Variants in RCAN1 observed in about 807,000 individuals in gnomAD.
The protein encoded by RCAN1 is regulator of calcineurin 1.
Under a neutral mutation model 22.9 loss-of-function variants are expected in RCAN1, and 11 were observed. The ratio of observed to expected loss-of-function variants is 0.48; its 90% CI spans 0.30 to 0.79. The LOEUF (loss-of-function observed/expected upper bound fraction) is 0.79, where lower values mean the gene tolerates loss of function less well. Ranked by LOEUF, RCAN1 falls within the 30% of genes least tolerant of loss-of-function variation. The pLI, the probability that RCAN1 is intolerant of heterozygous loss-of-function variation, is 0.06. For synonymous variants in RCAN1, 136 were observed against 142.3 expected (o/e 0.96, Z 0.32); for missense variants, 291 against 337.8 (o/e 0.86, Z 1.09).
chr21:34,557,271 C>T (rs1986617796), intron 1 of RCAN1, among the ~76,000 whole-genome samples: 1 of 152,042 alleles, frequency 6.6e-6, no homozygotes, highest in Non-Finnish European at 1.5e-5. Flanking sequence ...CACCAGAGCC[C>T]CTGGTAAAGG....
In RCAN1 at chr21:34,518,039, C is replaced by A; in HGVS notation, c.*45G>T. 1 of 1,605,308 alleles carries A rather than the reference C, an allele frequency of 6.2e-7. No homozygotes were observed. Among genetic ancestry groups the A allele is most frequent in the Non-Finnish European group, 8.5e-7 (1 of 1,174,904 alleles). On this transcript the variant is annotated 3_prime_UTR_variant, in exon 4 of 4. Coordinates refer to ENST00000313806, the MANE Select transcript of RCAN1 (RefSeq NM_004414.7). This position sits in a 1 kb window ranked among gnomAD's most constrained non-coding sequence, Gnocchi z 4.2. ...CCAGCCACCTCCACAGTAAAAGATT[C>A]CTCCCGTGAGTATGATTTGGAATGC...
intron 1 of RCAN1, among the ~76,000 whole-genome samples, chr21:34,570,896 T>C (rs1239690522): frequency 4.6e-5 from 7 of 152,154 alleles, no homozygotes; most frequent in Admixed American, 6.5e-5. Context: ...TCCCCAATCA[T>C]TGACTCAAGC....
chr21:34,606,442 C>T (rs562050533), intron 1 of RCAN1, among the ~76,000 whole-genome samples: 7 of 152,026 alleles, frequency 4.6e-5, no homozygotes, highest in African/African-American at 1.7e-4. Context: ...TAGGTGCACC[C>T]GTGACATGTA....
chr21:34,607,873 C>T lies in RCAN1; in HGVS notation c.252+6887G>A, dbSNP rs533643106. On this transcript the variant is annotated intron_variant, in intron 1 of 3. Transcript: ENST00000313806. ...CAGCAGGAGGTGAGCAGCGGGTGAGCCAGCAAAGCTTCATCTGTATTTACA... is the reference window on the plus strand; with the variant it reads ...CAGCAGGAGGTGAGCAGCGGGTGAGTCAGCAAAGCTTCATCTGTATTTACA... Among the ~76,000 whole-genome samples, 8 of 152,314 alleles carry T rather than the reference C, an allele frequency of 5.3e-5. No homozygotes were observed. The South Asian group carries it at 1.7e-3, about 32-fold the overall frequency.
chr21:34,526,196 C>A (rs1397601353), intron 1 of RCAN1, among the ~76,000 whole-genome samples: 3 of 152,210 alleles, frequency 2.0e-5, no homozygotes, highest in East Asian at 1.9e-4. Context: ...TTTGCTCTGG[C>A]GGCATTTTCT....
chr21:34,532,494 C>A (rs1012711291), intron 1 of RCAN1, among the ~76,000 whole-genome samples: 4 of 152,236 alleles, frequency 2.6e-5, no homozygotes, highest in African/African-American at 7.2e-5. Context: ...AAACGGTGAA[C>A]CTCCTGACGG....
rs3831800 is a variant in RCAN1, at chr21:34,537,826, T to TTGTG, written c.253-14120_253-14117dup. Among the ~76,000 whole-genome samples, 404 of 150,816 alleles carry TTGTG rather than the reference T, an allele frequency of 2.7e-3. 2 individuals are homozygous for TTGTG. The highest frequency in any genetic ancestry group is 9.4e-3 in the African/African-American group (388 of 41,120). On this transcript the variant is annotated intron_variant, in intron 1 of 3. Coordinates refer to ENST00000313806, the MANE Select transcript of RCAN1 (RefSeq NM_004414.7). ...CATGGCCCTCACTCCCACATGGTAA[T>TTGTG]TGTGTGTGTGTGTGTGTGTGTACTT...
chr21:34,562,552 C>A (rs78983033), intron 1 of RCAN1, among the ~76,000 whole-genome samples: 2 of 152,170 alleles, frequency 1.3e-5, no homozygotes, highest in Admixed American at 6.5e-5. Context: ...GAAACTTATC[C>A]TAGACTTTGA....
At chr21:34,531,208 A>G (rs1325272256) in intron 1 of RCAN1, among the ~76,000 whole-genome samples, 1 of 152,218 alleles carries the variant, frequency 6.6e-6, no homozygotes, top group African/African-American at 2.4e-5. Flanking sequence ...TTGCCTTTCT[A>G]TTTCCGATTT....
At chr21:34,571,619 C>T (rs915366980) in intron 1 of RCAN1, among the ~76,000 whole-genome samples, 1 of 152,152 alleles carries the variant, frequency 6.6e-6, no homozygotes, top group Non-Finnish European at 1.5e-5. Context: ...TGCAGTGGTA[C>T]AAACATGGCT....
chr21:34,523,475 C>T (rs1385210828), intron 2 of RCAN1, 62 bp downstream of exon 2: 1 of 1,539,058 alleles, frequency 6.5e-7, no homozygotes, highest in African/African-American at 1.4e-5. Flanking sequence ...AACGTATAAG[C>T]TGCTTTACAA....
chr21:34,523,784 C>CTTTT (rs5843666), intron 1 of RCAN1, 74 bp from the exon 2 acceptor site: 7 of 1,008,702 alleles, frequency 6.9e-6, no homozygotes, highest in African/African-American at 3.4e-5. Context: ...GATGTCATTA[C>CTTTT]TTTTTTTTTT....
intron 1 of RCAN1, among the ~76,000 whole-genome samples, chr21:34,600,186 C>T (rs1297401071): frequency 6.6e-6 from 1 of 152,118 alleles, no homozygotes; most frequent in Non-Finnish European, 1.5e-5. Context: ...GGCTAAGAAT[C>T]GCGTTTTTAA....
At chr21:34,587,278 T>C (rs866800517) in intron 1 of RCAN1, among the ~76,000 whole-genome samples, 1 of 152,146 alleles carries the variant, frequency 6.6e-6, no homozygotes, top group Non-Finnish European at 1.5e-5. Context: ...TATCTATTTA[T>C]AAAACTGAAT....
intron 1 of RCAN1, among the ~76,000 whole-genome samples, chr21:34,574,349 T>C (rs1987336473): frequency 6.6e-6 from 1 of 152,240 alleles, no homozygotes; most frequent in Non-Finnish European, 1.5e-5. Context: ...ATACTACGTA[T>C]ATTTTCAAGA....
intron 1 of RCAN1, among the ~76,000 whole-genome samples, chr21:34,596,564 G>A (rs977307055): frequency 6.6e-6 from 1 of 152,184 alleles, no homozygotes; most frequent in African/African-American, 2.4e-5. Context: ...CCTGACCACG[G>A]CAGGCTGGGT....
chr21:34,565,714 G>A (rs185593076), intron 1 of RCAN1, among the ~76,000 whole-genome samples: 1 of 152,150 alleles, frequency 6.6e-6, no homozygotes, highest in African/African-American at 2.4e-5. Flanking sequence ...TTCATTTTTT[G>A]TCATTTTAAA....
chr21:34,579,404 C>A (rs992708670), intron 1 of RCAN1, among the ~76,000 whole-genome samples: 1 of 151,956 alleles, frequency 6.6e-6, no homozygotes, highest in East Asian at 1.9e-4. Flanking sequence ...GTCCCACCCC[C>A]CAAAAATGCA....
In RCAN1 at chr21:34,545,400, G is replaced by C. The variant is rs369946325; in HGVS notation, c.253-21690C>G. Among the ~76,000 whole-genome samples the C allele has an allele frequency of 3.3e-5, 5 of 152,162 alleles. No individual in the cohort carries two copies. In the East Asian group the frequency reaches 9.6e-4, roughly 29 times the overall value. ...GGGTGTCCACTGAAAACTAATTTCAGCCCTGACTAAGAAAGGCATCTCAGA... is the reference window on the plus strand; with the variant it reads ...GGGTGTCCACTGAAAACTAATTTCACCCCTGACTAAGAAAGGCATCTCAGA... On this transcript the variant is annotated intron_variant, in intron 1 of 3. Transcript: ENST00000313806.
Sources: allele counts gnomAD v4.1 joint callset (sites outside exome capture counted in the v4.1 genomes callset), GRCh38; gene constraint gnomAD v4.1.1; non-coding constraint Gnocchi (gnomAD v3.1); transcripts MANE v1.5; gene names NCBI Gene and HGNC (gene_info 2026-07-23, HGNC 2026-07-21).